Variants in CCDC192 observed in about 807,000 individuals in gnomAD.
The protein encoded by CCDC192 is coiled-coil domain containing 192.
intron 3 of CCDC192, among the ~76,000 whole-genome samples, chr5:127,789,506 T>C (rs1040616417): frequency 1.3e-5 from 2 of 152,222 alleles, no homozygotes; most frequent in East Asian, 1.9e-4. Context: ...TTGCAGAAGA[T>C]AGAATTTGTG....
chr5:127,794,064 C>T (rs997267389), intron 3 of CCDC192, among the ~76,000 whole-genome samples: 1 of 152,166 alleles, frequency 6.6e-6, no homozygotes, highest in East Asian at 1.9e-4. Context: ...GTAGCATTCG[C>T]GTCTGGTCGG....
chr5:127,801,622 A>G (rs894671525), intron 5 of CCDC192, among the ~76,000 whole-genome samples: 2 of 152,146 alleles, frequency 1.3e-5, no homozygotes, highest in Non-Finnish European at 2.9e-5. Context: ...TCTTCATTCA[A>G]ATAACTCTTT....
chr5:127,715,842 AG>A (rs1229528718), intron 2 of CCDC192, among the ~76,000 whole-genome samples: 4 of 152,182 alleles, frequency 2.6e-5, no homozygotes, highest in Non-Finnish European at 5.9e-5. Flanking sequence ...ATCTGTAAAC[AG>A]GAACAATGTG....
At chr5:127,869,355 T>C (rs1403903959) in intron 5 of CCDC192, among the ~76,000 whole-genome samples, 1 of 152,022 alleles carries the variant, frequency 6.6e-6, no homozygotes, top group Non-Finnish European at 1.5e-5. Flanking sequence ...AATAAGCTAG[T>C]ACATATAAAG....
chr5:127,794,567 A>G (rs1757057219), intron 3 of CCDC192, among the ~76,000 whole-genome samples: 1 of 152,178 alleles, frequency 6.6e-6, no homozygotes, highest in Admixed American at 6.5e-5. Context: ...GCATTATATA[A>G]TAGCTATTTT....
chr5:127,923,886 C>T (rs1249269945), intron 6 of CCDC192, among the ~76,000 whole-genome samples: 2 of 152,210 alleles, frequency 1.3e-5, no homozygotes, highest in East Asian at 3.8e-4. Context: ...ATGCAACCAC[C>T]TTGCAGATAG....
chr5:127,859,802 A>T (rs1042899079), intron 5 of CCDC192, among the ~76,000 whole-genome samples: 1 of 152,094 alleles, frequency 6.6e-6, no homozygotes, highest in Admixed American at 6.5e-5. Flanking sequence ...ATCATCTACC[A>T]ATTTACTAAG....
intron 5 of CCDC192, among the ~76,000 whole-genome samples, chr5:127,861,935 G>A (rs1002928448): frequency 1.3e-5 from 2 of 152,258 alleles, no homozygotes; most frequent in East Asian, 1.9e-4. Flanking sequence ...TGTACTGAGC[G>A]TGAAAACAGG....
intron 3 of CCDC192, among the ~76,000 whole-genome samples, chr5:127,790,222 T>G (rs1756787548): frequency 6.6e-6 from 1 of 152,222 alleles, no homozygotes; most frequent in Non-Finnish European, 1.5e-5. Flanking sequence ...TATGTGGGAC[T>G]CATCACCCCT....
At chr5:127,834,443 CTT>C (rs1381797375) in intron 5 of CCDC192, among the ~76,000 whole-genome samples, 1 of 152,192 alleles carries the variant, frequency 6.6e-6, no homozygotes, top group Non-Finnish European at 1.5e-5. Flanking sequence ...TAATCTGTCT[CTT>C]GTCAGTCTAA....
At chr5:127,795,581 A>C (rs1561492790) in intron 3 of CCDC192, among the ~76,000 whole-genome samples, 1 of 151,928 alleles carries the variant, frequency 6.6e-6, no homozygotes, top group Non-Finnish European at 1.5e-5. Context: ...AAACAGCAAA[A>C]TTGAGATTTT....
chr5:127,844,777 G>A (rs1209572197), intron 5 of CCDC192, among the ~76,000 whole-genome samples: 1 of 152,166 alleles, frequency 6.6e-6, no homozygotes, highest in East Asian at 1.9e-4. Flanking sequence ...CTCTTTTGTT[G>A]TTTCGTACCA....
intron 6 of CCDC192, among the ~76,000 whole-genome samples, chr5:127,890,176 C>T (rs940260909): frequency 6.6e-6 from 1 of 151,950 alleles, no homozygotes; most frequent in Non-Finnish European, 1.5e-5. Flanking sequence ...AGTTTGAGAC[C>T]AGACTAGGCA....
At chr5:127,776,215 A>T (rs1250606982) in intron 3 of CCDC192, among the ~76,000 whole-genome samples, 1 of 152,206 alleles carries the variant, frequency 6.6e-6, no homozygotes, top group Non-Finnish European at 1.5e-5. Context: ...TAACAATTAT[A>T]TCTAGGCTGA....
chr5:127,894,338 G>A (rs879462056), intron 6 of CCDC192, among the ~76,000 whole-genome samples: 2 of 151,652 alleles, frequency 1.3e-5, no homozygotes, highest in Non-Finnish European at 2.9e-5. Context: ...GACTACAGGC[G>A]CCTGCCACCA....
intron 6 of CCDC192, among the ~76,000 whole-genome samples, chr5:127,938,985 A>T (rs1174652418): frequency 1.3e-5 from 2 of 152,094 alleles, no homozygotes; most frequent in Non-Finnish European, 2.9e-5. Context: ...CTCCTGCCAT[A>T]TGGACTCTCT....
chr5:127,752,146 C>T (rs1021175729), intron 2 of CCDC192, among the ~76,000 whole-genome samples: 32 of 152,288 alleles, frequency 2.1e-4, no homozygotes, highest in Middle Eastern at 3.4e-3. Context: ...AGCTTTGTTC[C>T]GTTGCTGGTG....
chr5:127,861,762 A>G (rs2127106040), intron 5 of CCDC192, among the ~76,000 whole-genome samples: 1 of 152,272 alleles, frequency 6.6e-6, no homozygotes, highest in South Asian at 2.1e-4. Context: ...GTGTATGTAA[A>G]CCCTGAGGTG....
intron 5 of CCDC192, among the ~76,000 whole-genome samples, chr5:127,873,668 C>G (rs1751951162): frequency 6.6e-6 from 1 of 152,072 alleles, no homozygotes; most frequent in South Asian, 2.1e-4. Context: ...ATTTCTGTGC[C>G]CTTCCTCCTA....
Sources: allele counts gnomAD v4.1 joint callset (sites outside exome capture counted in the v4.1 genomes callset), GRCh38; gene constraint gnomAD v4.1.1; transcripts MANE v1.5; gene names NCBI Gene and HGNC (gene_info 2026-07-23, HGNC 2026-07-21).